Variants in PTGR1 observed in about 807,000 individuals in gnomAD.
PTGR1 encodes 15-oxoprostaglandin 13-reductase.
PTGR1 carries 23 observed loss-of-function variants against 37.7 expected under a neutral mutation model. That is an observed-to-expected ratio of 0.61 (90% CI 0.44 to 0.86). PTGR1 has a LOEUF of 0.86. Ranked by LOEUF, PTGR1 falls within the 40% of genes least tolerant of loss-of-function variation. The probability of loss-of-function intolerance (pLI) is 0.00; values close to 1 mark genes in which losing one functional copy is unlikely to be tolerated. For missense variants in PTGR1, 351 were observed against 394.3 expected (o/e 0.89, Z 0.93); for synonymous variants, 134 against 140.0 (o/e 0.96, Z 0.30).
At chr9:111,592,380 T>C (rs1256987225) in intron 4 of PTGR1, 1 of 153,090 alleles carries the variant, frequency 6.5e-6, no homozygotes, top group Non-Finnish European at 1.5e-5. Context: ...TGCATACAGA[T>C]GTATGTTAAA....
chr9:111,560,974 TAGAGAGAGAGAGAG>T (rs1172194603), downstream of PTGR1, among the ~76,000 whole-genome samples: 1 of 9,344 alleles, frequency 1.1e-4, no homozygotes, highest in Non-Finnish European at 1.9e-4. Flanking sequence ...TATATATATA[TAGAGAGAGAGAGAG>T]AGAGAGAGAG....
In PTGR1 at chr9:111,553,078, A is replaced by C. The variant is rs531343567; in HGVS notation, c.880-3279T>G. The stretch of plus-strand genomic sequence containing the variant: ...TTGTTAGAAATTTCACTCGCAGTTC[A>C]TATGAGTAATTTTGTGTATTCTTTT... On this transcript the variant is annotated intron_variant, in intron 9 of 9. Transcript: ENST00000538962. 3.3e-5 allele frequency among the ~76,000 whole-genome samples: 5 copies of C among 152,330 alleles called. No homozygotes were observed. In the South Asian group the frequency reaches 1.0e-3, roughly 32 times the overall value.
intron 5 of PTGR1, 124 bp downstream of exon 5, chr9:111,585,874 T>C (rs1217728539): frequency 9.0e-7 from 1 of 1,113,970 alleles, no homozygotes; most frequent in Non-Finnish European, 1.3e-6. Flanking sequence ...TGCCCTCTTC[T>C]CTGATCAGCC....
chr9:111,574,604 T>TAAAA, intron 8 of PTGR1, 130 bp downstream of exon 8: 6 of 489,910 alleles, frequency 1.2e-5, no homozygotes, highest in South Asian at 6.3e-5. Context: ...GACTCTGTCT[T>TAAAA]AAAAAAAAAA....
At position 111,586,801 on chromosome 9, in the gene PTGR1, C is replaced by CTA. The variant is rs1452353673; in HGVS notation, c.210-637_210-636insTA. 4.8e-3 allele frequency among the ~76,000 whole-genome samples: 711 copies of CTA among 147,012 alleles called. 7 individuals carry two copies. Among genetic ancestry groups the CTA allele is most frequent in the African/African-American group, 0.016 (640 of 40,106 alleles). On this transcript the variant is annotated intron_variant, in intron 4 of 9. Coordinates refer to ENST00000407693, the MANE Select transcript of PTGR1 (RefSeq NM_001146108.2). ...TTTTCCACTCTCTCTCTCTCTCTCT[C>CTA]TCTATATATATATATATATGCATAC... is the stretch of plus-strand genomic sequence containing the variant.
In PTGR1 at chr9:111,578,952, C is replaced by T. The variant is rs1410859824; in HGVS notation, c.496-1G>A. On this transcript the variant is annotated splice_acceptor_variant, in intron 6 of 9. Coordinates refer to ENST00000407693, the MANE Select transcript of PTGR1 (RefSeq NM_001146108.2). LOFTEE classifies it high-confidence loss of function. Reference sequence around the variant, plus strand: ...CTACTGCTCCAACAACTTTGCAGCCCTAAGTAGAAAAAAAAAAAAAAAGGA... The same window carrying T: ...CTACTGCTCCAACAACTTTGCAGCCTTAAGTAGAAAAAAAAAAAAAAAGGA... 3.2e-6 allele frequency: 5 copies of T among 1,558,118 alleles called. No individual in the cohort carries two copies. Among genetic ancestry groups the T allele is most frequent in the Non-Finnish European group, 4.3e-6 (5 of 1,161,990 alleles).
At chr9:111,561,156 A>G (rs1201581846), downstream of PTGR1, among the ~76,000 whole-genome samples, 34 of 110,166 alleles carry the variant, frequency 3.1e-4, 2 homozygotes, top group East Asian at 3.5e-3. Flanking sequence ...AGGGAGAGAG[A>G]GAGAGAGAGA....
At chr9:111,573,245 A>G (rs1038895316) in intron 8 of PTGR1, among the ~76,000 whole-genome samples, 4 of 152,246 alleles carry the variant, frequency 2.6e-5, no homozygotes, top group African/African-American at 9.6e-5. Flanking sequence ...ACAATTTCCC[A>G]TGATTCCAGC....
At chr9:111,577,534 A>T (rs75485553) in intron 7 of PTGR1, 10,185 of 152,286 alleles carry the variant, frequency 0.067, 589 homozygotes, top group African/African-American at 0.15. Flanking sequence ...TATACTTCAT[A>T]GCCAGAAAGT....
At chr9:111,592,902 A>C in intron 4 of PTGR1, 24 bp downstream of exon 4, 1 of 1,586,316 alleles carries the variant, frequency 6.3e-7, no homozygotes. Flanking sequence ...TTTTCCAAGC[A>C]CTGGGACAAA....
rs1361115158 is a variant in PTGR1, at chr9:111,563,079, C to T, written c.*42G>A. On this transcript the variant is annotated 3_prime_UTR_variant, in exon 10 of 10. Transcript: ENST00000407693. ...TGCTAAATGGTGAAAAACAAATTAA[C>T]TAATCATCTAAATGGCCTCCAGATT... 3.1e-6 allele frequency: 5 copies of T among 1,600,676 alleles called. No homozygotes were observed. Among genetic ancestry groups the T allele is most frequent in the Non-Finnish European group, 3.4e-6 (4 of 1,174,560 alleles).
rs1828377007 is a variant in PTGR1, at chr9:111,562,986, ATT to A, written c.*133_*134del. 1 of 1,425,058 alleles carries A rather than the reference ATT, an allele frequency of 7.0e-7. No individual in the cohort carries two copies. Among genetic ancestry groups the A allele is most frequent in the African/African-American group, 1.4e-5 (1 of 69,574 alleles). The allele number at this position is 1,425,058 out of a possible 1,614,324, so 88.3% of individuals were successfully genotyped here. A position where few individuals can be genotyped will look rare whatever the true frequency, so the allele number is the denominator to read the frequency against. ...CACTAATTACATACCACTTAAATGT[ATT>A]TTATTAAGTAGCTCAAACTCATTAT... is the stretch of plus-strand genomic sequence containing the variant. On this transcript the variant is annotated 3_prime_UTR_variant, in exon 10 of 10. Transcript: ENST00000407693.
chr9:111,570,497 G>A (rs373854141), intron 8 of PTGR1, among the ~76,000 whole-genome samples: 9 of 152,162 alleles, frequency 5.9e-5, no homozygotes, highest in East Asian at 1.9e-4. Context: ...TGGGGGTGGC[G>A]CGGTGGCTCA....
Position 111,589,390 on chromosome 9 carries a change from T to C in PTGR1, c.210-3225A>G, listed in dbSNP as rs73535501. On this transcript the variant is annotated intron_variant, in intron 4 of 9. Coordinates refer to ENST00000407693, the MANE Select transcript of PTGR1 (RefSeq NM_001146108.2). ...TGGTATTATAATAACTGGCTAGTCA[T>C]TGAGACACAAAATTTAAAAAAATAA... 681 of 890,518 alleles carry C rather than the reference T, an allele frequency of 7.6e-4. 3 individuals are homozygous for C. In the African/African-American group the frequency reaches 0.01, roughly 14 times the overall value. 55.2% of individuals were successfully genotyped at this position (890,518 alleles called of 1,614,324 possible).
At chr9:111,559,930 GT>G (rs1333461036), downstream of PTGR1, among the ~76,000 whole-genome samples, 1 of 152,072 alleles carries the variant, frequency 6.6e-6, no homozygotes, top group Admixed American at 6.5e-5. Context: ...TCTTTCCAGA[GT>G]TTTTGTACAG....
chr9:111,572,442 TAGTC>T (rs1033845453), intron 8 of PTGR1, among the ~76,000 whole-genome samples: 7 of 151,962 alleles, frequency 4.6e-5, no homozygotes, highest in Non-Finnish European at 8.8e-5. Context: ...TAAAAAAAAT[TAGTC>T]AGGCGTGACG....
downstream of PTGR1, among the ~76,000 whole-genome samples, chr9:111,561,686 A>G (rs578228048): frequency 6.6e-6 from 1 of 152,282 alleles, no homozygotes; most frequent in East Asian, 1.9e-4. Context: ...GGTGTGTTGA[A>G]TAATTAGACT....
At chr9:111,561,263 T>C (rs1454013414), downstream of PTGR1, among the ~76,000 whole-genome samples, 1 of 151,246 alleles carries the variant, frequency 6.6e-6, no homozygotes, top group Non-Finnish European at 1.5e-5. Flanking sequence ...TAATGTTGCT[T>C]TTGTTGTTGT....
chr9:111,558,828 C>A (rs968347799), downstream of PTGR1, among the ~76,000 whole-genome samples: 5 of 152,096 alleles, frequency 3.3e-5, no homozygotes, highest in Admixed American at 6.5e-5. Context: ...AATCTAACAC[C>A]ACAAGGTTCT....
Sources: gnomAD v4.1 joint callset for allele counts (sites outside exome capture counted in the v4.1 genomes callset) on GRCh38, gnomAD v4.1.1 for gene constraint, MANE v1.5 for transcripts, NCBI Gene and HGNC (gene_info 2026-07-23, HGNC 2026-07-21) for gene names.